Variants in MED27 observed in about 807,000 individuals in gnomAD.
MED27 encodes mediator of RNA polymerase II transcription subunit 27.
In MED27, 30 loss-of-function variants were observed where a neutral mutation model predicts 38.2. That is an observed-to-expected ratio of 0.79 (90% CI 0.59 to 1.07). The LOEUF (loss-of-function observed/expected upper bound fraction) is 1.07. Among genes scored for constraint, MED27 ranks in the 50% least tolerant of loss-of-function variants. MED27 has a pLI of 0.00. For synonymous variants in MED27, 122 were observed against 153.5 expected (o/e 0.79, Z 1.52); for missense variants, 289 against 397.5 (o/e 0.73, Z 2.32).
At position 131,878,663 on chromosome 9, in the gene MED27, A is replaced by C. The variant is rs578117976; in HGVS notation, c.723+5395T>G. ...AGTGAGTAGCTGTCGGTCTGCTCTT[A>C]CTCTCCCTAAATTGCTGGATGAAAA... On this transcript the variant is annotated intron_variant, in intron 6 of 7. Transcript: ENST00000292035. 3.9e-5 allele frequency among the ~76,000 whole-genome samples: 6 copies of C among 152,036 alleles called. No homozygotes were observed. The East Asian group carries it at 1.2e-3, about 29-fold the overall frequency.
chr9:132,018,867 A>T (rs12345091), intron 2 of MED27, among the ~76,000 whole-genome samples: 3,066 of 152,238 alleles, frequency 0.02, 98 homozygotes, highest in African/African-American at 0.07. Context: ...TTAAGGGTAA[A>T]GGGGAAAAAA....
chr9:131,995,185 T>C (rs1482022925), intron 3 of MED27, among the ~76,000 whole-genome samples: 5 of 151,940 alleles, frequency 3.3e-5, no homozygotes, highest in Admixed American at 2.0e-4. Flanking sequence ...CATGGGCATA[T>C]GGGGAGGGGA....
intron 3 of MED27, among the ~76,000 whole-genome samples, chr9:131,993,619 G>T (rs11243591): frequency 2.0e-5 from 3 of 152,142 alleles, no homozygotes; most frequent in Non-Finnish European, 2.9e-5. Context: ...CCCTGGCCAA[G>T]GTCTAGTTTA....
intron 2 of MED27, among the ~76,000 whole-genome samples, chr9:132,067,734 C>T (rs28534447): frequency 0.024 from 3,722 of 152,112 alleles, 144 homozygotes; most frequent in African/African-American, 0.084. Context: ...TGTTTTGAGA[C>T]GGAGTCTTGC....
intron 3 of MED27, among the ~76,000 whole-genome samples, chr9:131,968,272 G>A (rs919191783): frequency 2.6e-4 from 39 of 151,972 alleles, no homozygotes; most frequent in Admixed American, 6.6e-5. Context: ...CCCGAGGTTC[G>A]AGACCAGTCT....
At chr9:132,029,849 C>CA (rs921798269) in intron 2 of MED27, among the ~76,000 whole-genome samples, 10 of 57,016 alleles carry the variant, frequency 1.8e-4, no homozygotes, top group Admixed American at 1.5e-3. Flanking sequence ...ATTACCCTTG[C>CA]AAAAAAAAGT....
chr9:131,927,843 A>C (rs913495052), intron 4 of MED27, among the ~76,000 whole-genome samples: 1 of 152,118 alleles, frequency 6.6e-6, no homozygotes, highest in South Asian at 2.1e-4. Flanking sequence ...GAGACTCCCA[A>C]TTACAGACTG....
At chr9:132,059,380 C>T (rs1833651241) in intron 2 of MED27, among the ~76,000 whole-genome samples, 1 of 152,210 alleles carries the variant, frequency 6.6e-6, no homozygotes, top group Non-Finnish European at 1.5e-5. Flanking sequence ...GCATAATGAT[C>T]CTCTCAGGTT....
chr9:131,926,159 G>A (rs1830479603), intron 4 of MED27, among the ~76,000 whole-genome samples: 2 of 152,152 alleles, frequency 1.3e-5, no homozygotes, highest in South Asian at 2.1e-4. Flanking sequence ...CTGGTCTCTT[G>A]TCCATTTTCT....
intron 1 of MED27, among the ~76,000 whole-genome samples, chr9:132,078,566 G>A (rs1422998050): frequency 6.6e-6 from 1 of 152,072 alleles, no homozygotes; most frequent in East Asian, 1.9e-4. Flanking sequence ...TGTGATTTAC[G>A]GCAACTACTT....
chr9:132,039,152 G>T (rs764637602), intron 2 of MED27, among the ~76,000 whole-genome samples: 6 of 152,212 alleles, frequency 3.9e-5, no homozygotes, highest in Non-Finnish European at 7.3e-5. Context: ...TCTAGATGGA[G>T]AAGTTCTCAA....
chr9:131,876,642 C>T (rs965513821), intron 6 of MED27, among the ~76,000 whole-genome samples: 1 of 152,122 alleles, frequency 6.6e-6, no homozygotes, highest in Non-Finnish European at 1.5e-5. Context: ...CGCGCCGATG[C>T]TTCTGCTTGG....
intron 6 of MED27, among the ~76,000 whole-genome samples, chr9:131,877,934 G>T (rs1838965572): frequency 6.6e-6 from 1 of 152,150 alleles, no homozygotes; most frequent in Non-Finnish European, 1.5e-5. Flanking sequence ...CGAGTAAACA[G>T]ACCTTGATCA....
At chr9:132,050,459 A>C (rs1833440220) in intron 2 of MED27, among the ~76,000 whole-genome samples, 1 of 152,198 alleles carries the variant, frequency 6.6e-6, no homozygotes, top group Non-Finnish European at 1.5e-5. Flanking sequence ...GGCAATTAAC[A>C]ACCTGATTTT....
At chr9:131,960,515 T>G (rs887326962) in intron 3 of MED27, among the ~76,000 whole-genome samples, 1 of 152,194 alleles carries the variant, frequency 6.6e-6, no homozygotes, top group Non-Finnish European at 1.5e-5. Flanking sequence ...ATCTCACCTT[T>G]GTCTTGACAG....
chr9:132,005,637 G>C (rs1309308107), intron 3 of MED27, among the ~76,000 whole-genome samples: 1 of 152,080 alleles, frequency 6.6e-6, no homozygotes. Flanking sequence ...CTCTCTTTTG[G>C]CAACTGAATA....
At chr9:131,946,272 G>A (rs1317855125) in intron 3 of MED27, among the ~76,000 whole-genome samples, 1 of 152,146 alleles carries the variant, frequency 6.6e-6, no homozygotes, top group East Asian at 1.9e-4. Context: ...CCCAGTAGCA[G>A]AATTGCTGGG....
At position 131,860,807 on chromosome 9, in the gene MED27, G is replaced by GAGC. The variant is rs1838640057; in HGVS notation, c.802-138_802-136dup. ...AGAAGATGCCCTGTGATTTCACAGG[G>GAGC]AGCAGCAGGCGGAACCCACAAGGTC... On this transcript the variant is annotated intron_variant, in intron 7 of 7. Coordinates refer to ENST00000292035, the MANE Select transcript of MED27 (RefSeq NM_004269.4). The surrounding 1 kb of genome is among the most constrained non-coding windows in gnomAD (Gnocchi z 5.8). 5.0e-6 allele frequency: 5 copies of GAGC among 1,002,196 alleles called. No homozygotes were observed. In the Admixed American group the frequency reaches 1.2e-4, roughly 24 times the overall value. 62.1% of individuals were successfully genotyped at this position (1,002,196 alleles called of 1,614,324 possible).
intron 3 of MED27, among the ~76,000 whole-genome samples, chr9:131,974,937 C>T (rs542580120): frequency 6.6e-6 from 1 of 152,252 alleles, no homozygotes; most frequent in East Asian, 1.9e-4. Flanking sequence ...TTTTTTAAGA[C>T]CAGTAAACCC....
Sources: gnomAD v4.1 joint callset for allele counts (sites outside exome capture counted in the v4.1 genomes callset) on GRCh38, gnomAD v4.1.1 for gene constraint, Gnocchi (gnomAD v3.1) non-coding constraint, MANE v1.5 for transcripts, NCBI Gene and HGNC (gene_info 2026-07-23, HGNC 2026-07-21) for gene names.